The following SLC38A9 variants were observed in gnomAD, a reference collection of about 807,000 sequenced individuals.
SLC38A9 encodes the protein neutral amino acid transporter 9.
In SLC38A9, 48 loss-of-function variants were observed where a neutral mutation model predicts 62.3. The observed-to-expected ratio is 0.77, with a 90% CI of 0.61 to 0.98. The LOEUF (loss-of-function observed/expected upper bound fraction) is 0.98, where lower values mean the gene tolerates loss of function less well. SLC38A9 is among the 50% of genes least tolerant of loss of function. The pLI, the probability that SLC38A9 is intolerant of heterozygous loss-of-function variation, is 0.00. For missense variants in SLC38A9, 541 were observed against 679.8 expected, an observed-to-expected ratio of 0.80 and a Z score of 2.27; for synonymous variants, 204 against 227.7, an observed-to-expected ratio of 0.90 and a Z score of 0.94.
At position 55,670,245 on chromosome 5, in the gene SLC38A9, G is replaced by A. The variant is rs373604246; in HGVS notation, c.247-366C>T. 7.2e-5 allele frequency among the ~76,000 whole-genome samples: 11 copies of A among 152,278 alleles called. No homozygotes were observed. In the East Asian group the frequency reaches 2.1e-3, roughly 29 times the overall value. On this transcript the variant is annotated intron_variant, in intron 4 of 15. Coordinates refer to ENST00000396865, the MANE Select transcript of SLC38A9 (RefSeq NM_173514.4). ...GGCCTCCCAAAGTGCTGGGATTACA[G>A]GCGTAAGCCACCACGCCTGGCCCTC...
At chr5:55,638,352 A>G (rs1213460392) in intron 12 of SLC38A9, among the ~76,000 whole-genome samples, 1 of 152,232 alleles carries the variant, frequency 6.6e-6, no homozygotes, top group African/African-American at 2.4e-5. Flanking sequence ...GATAGAAAAA[A>G]GCTATTATTT....
chr5:55,670,968 T>C (rs907346372), intron 4 of SLC38A9, among the ~76,000 whole-genome samples: 2 of 152,252 alleles, frequency 1.3e-5, no homozygotes, highest in Non-Finnish European at 2.9e-5. Context: ...TCTTAATATT[T>C]ATTTCACATA....
intron 11 of SLC38A9, among the ~76,000 whole-genome samples, chr5:55,646,736 T>C (rs761646467): frequency 1.3e-5 from 2 of 152,112 alleles, no homozygotes; most frequent in Non-Finnish European, 2.9e-5. Flanking sequence ...GCATACATAC[T>C]GTGATTTTAC....
intron 14 of SLC38A9, among the ~76,000 whole-genome samples, chr5:55,628,529 A>C (rs916860985): frequency 1.3e-5 from 2 of 152,214 alleles, no homozygotes; most frequent in Admixed American, 1.3e-4. Flanking sequence ...AGAAGGCAGT[A>C]GTGATTTTGT....
intron 2 of SLC38A9, chr5:55,702,773 T>C (rs997217673): frequency 1.2e-4 from 18 of 152,294 alleles, no homozygotes; most frequent in Admixed American, 1.1e-3. Flanking sequence ...GTTAGTAACA[T>C]GTTCTATTTC....
At chr5:55,700,261 A>T (rs764786526) in intron 2 of SLC38A9, among the ~76,000 whole-genome samples, 3 of 151,910 alleles carry the variant, frequency 2.0e-5, no homozygotes, top group Non-Finnish European at 2.9e-5. Flanking sequence ...AAATCACTTG[A>T]ACCAGGGAGG....
chr5:55,677,568 A>G (rs1236108721), intron 3 of SLC38A9, among the ~76,000 whole-genome samples: 1 of 152,020 alleles, frequency 6.6e-6, no homozygotes, highest in Non-Finnish European at 1.5e-5. Context: ...ATAGGGTTCC[A>G]TTGTGTCGCC....
chr5:55,648,181 G>T (rs1746734814), intron 11 of SLC38A9, among the ~76,000 whole-genome samples: 1 of 152,230 alleles, frequency 6.6e-6, no homozygotes, highest in Admixed American at 6.5e-5. Context: ...GGAAGGTGCA[G>T]TGAGTTGAGA....
At chr5:55,704,652 CG>C (rs1757068759) in intron 2 of SLC38A9, among the ~76,000 whole-genome samples, 1 of 152,088 alleles carries the variant, frequency 6.6e-6, no homozygotes, top group South Asian at 2.1e-4. Flanking sequence ...TAGCCAGAAC[CG>C]TATCACTCCT....
chr5:55,706,364 G>A (rs1757302028), intron 2 of SLC38A9, among the ~76,000 whole-genome samples: 1 of 152,228 alleles, frequency 6.6e-6, no homozygotes, highest in Non-Finnish European at 1.5e-5. Flanking sequence ...AGTTTAGAGA[G>A]AGAAGATCCT....
chr5:55,636,831 G>C (rs368163313), intron 12 of SLC38A9, among the ~76,000 whole-genome samples: 3 of 152,152 alleles, frequency 2.0e-5, no homozygotes, highest in African/African-American at 7.2e-5. Context: ...GGAGCTAAAG[G>C]CTTATGCAGA....
chr5:55,635,727 G>C, intron 12 of SLC38A9, 70 bp from the exon 13 acceptor site: 3 of 935,332 alleles, frequency 3.2e-6, no homozygotes, highest in Non-Finnish European at 3.4e-6. Flanking sequence ...ATAGGCTAAG[G>C]AGACTAACAA....
chr5:55,662,491 G>C (rs1749756602), intron 8 of SLC38A9, among the ~76,000 whole-genome samples: 1 of 151,978 alleles, frequency 6.6e-6, no homozygotes, highest in Non-Finnish European at 1.5e-5. Flanking sequence ...CCAACATGGT[G>C]AAAATTTGTC....
At chr5:55,707,252 G>A (rs939260509) in intron 2 of SLC38A9, among the ~76,000 whole-genome samples, 1 of 152,164 alleles carries the variant, frequency 6.6e-6, no homozygotes, top group African/African-American at 2.4e-5. Context: ...GATGACTTAG[G>A]TTGAGAGGTG....
chr5:55,671,376 T>C (rs1256254891), intron 4 of SLC38A9, among the ~76,000 whole-genome samples: 1 of 152,024 alleles, frequency 6.6e-6, no homozygotes, highest in Non-Finnish European at 1.5e-5. Flanking sequence ...AAATGAAGAA[T>C]ATCATGTGAC....
intron 3 of SLC38A9, chr5:55,695,979 A>G (rs1755494741): frequency 1.2e-5 from 1 of 84,250 alleles, no homozygotes. Context: ...GGCTGGGCAG[A>G]GGCGCCCCTC....
intron 12 of SLC38A9, among the ~76,000 whole-genome samples, chr5:55,643,436 G>C (rs1745763405): frequency 6.6e-6 from 1 of 152,116 alleles, no homozygotes. Flanking sequence ...ATTGAGAATT[G>C]TTTTATGACC....
chr5:55,641,178 A>C (rs1379284032), intron 12 of SLC38A9, among the ~76,000 whole-genome samples: 1 of 152,192 alleles, frequency 6.6e-6, no homozygotes, highest in Non-Finnish European at 1.5e-5. Flanking sequence ...AAAAATATTG[A>C]GCTTAAAATA....
chr5:55,652,744 A>C, intron 9 of SLC38A9, 21 bp from the exon 10 acceptor site: 1 of 1,573,994 alleles, frequency 6.4e-7, no homozygotes, highest in Non-Finnish European at 8.6e-7. Flanking sequence ...AAAGCACCAG[A>C]TTAAAGAAGA....
Sources: allele counts gnomAD v4.1 joint callset (sites outside exome capture counted in the v4.1 genomes callset), GRCh38; gene constraint gnomAD v4.1.1; transcripts MANE v1.5; gene names NCBI Gene and HGNC (gene_info 2026-07-23, HGNC 2026-07-21).